Variants in SIPA1L1 observed in about 807,000 individuals in gnomAD.
SIPA1L1 encodes signal-induced proliferation-associated 1-like protein 1.
A neutral mutation model predicts 162.7 loss-of-function variants in SIPA1L1; 26 were observed. The observed-to-expected ratio is 0.16, with a 90% CI of 0.12 to 0.22. The LOEUF (loss-of-function observed/expected upper bound fraction) is 0.22, where lower values mean the gene tolerates loss of function less well. Ranked by LOEUF, SIPA1L1 falls within the 10% of genes least tolerant of loss-of-function variation. SIPA1L1 has a pLI of 1.00. For synonymous variants in SIPA1L1, 829 were observed against 837.4 expected (o/e 0.99, Z 0.17); for missense variants, 1,874 against 2,241.0 (o/e 0.84, Z 3.31).
At chr14:71,419,696 A>G (rs1176537405) in intron 2 of SIPA1L1, among the ~76,000 whole-genome samples, 1 of 151,340 alleles carries the variant, frequency 6.6e-6, no homozygotes, top group Non-Finnish European at 1.5e-5. Flanking sequence ...ACGGGGTTTC[A>G]CCTTGTTAGC....
intron 2 of SIPA1L1, among the ~76,000 whole-genome samples, chr14:71,380,247 T>C (rs188926024): frequency 2.0e-5 from 3 of 152,362 alleles, no homozygotes; most frequent in Admixed American, 1.3e-4. Flanking sequence ...TGTGTTTATG[T>C]CCTTTGATAA....
At position 71,587,801 on chromosome 14, in the gene SIPA1L1, G is replaced by A. The variant is rs2034795560; in HGVS notation, c.-72G>A. ...ATTTTCTGGAAGCCATTCTCCAAAAGGGAAGTGCACATTTAAAACACAGAT... is the reference window on the plus strand; with the variant it reads ...ATTTTCTGGAAGCCATTCTCCAAAAAGGAAGTGCACATTTAAAACACAGAT... On this transcript the variant is annotated 5_prime_UTR_variant, in exon 5 of 24. Coordinates refer to ENST00000381232, the MANE Select transcript of SIPA1L1 (RefSeq NM_001386936.1). 4.4e-6 allele frequency: 6 copies of A among 1,379,206 alleles called. No individual in the cohort carries two copies. Among genetic ancestry groups the A allele is most frequent in the Middle Eastern group, 2.2e-4 (1 of 4,556 alleles). 85.4% of individuals were successfully genotyped at this position (1,379,206 alleles called of 1,614,324 possible).
At chr14:71,363,031 G>A (rs1001239450) in intron 2 of SIPA1L1, among the ~76,000 whole-genome samples, 2 of 152,146 alleles carry the variant, frequency 1.3e-5, no homozygotes, top group East Asian at 3.9e-4. Flanking sequence ...GCACACACAC[G>A]CACACTCACA....
chr14:71,360,288 T>C (rs1163241266), intron 2 of SIPA1L1, among the ~76,000 whole-genome samples: 1 of 152,236 alleles, frequency 6.6e-6, no homozygotes, highest in Non-Finnish European at 1.5e-5. Flanking sequence ...ATTTGACCTT[T>C]AGAATTCAGT....
intron 5 of SIPA1L1, among the ~76,000 whole-genome samples, chr14:71,612,555 G>A (rs941559566): frequency 1.3e-5 from 2 of 152,088 alleles, no homozygotes; most frequent in Non-Finnish European, 2.9e-5. Flanking sequence ...ATTCAGTTCA[G>A]ATTATGCTAT....
chr14:71,380,115 A>G (rs970582219), intron 2 of SIPA1L1, among the ~76,000 whole-genome samples: 3 of 152,208 alleles, frequency 2.0e-5, no homozygotes, highest in Admixed American at 2.0e-4. Context: ...TAAACTTCAC[A>G]GAGTTGTTAA....
chr14:71,712,047 T>C (rs928993822), intron 17 of SIPA1L1, among the ~76,000 whole-genome samples: 1 of 152,204 alleles, frequency 6.6e-6, no homozygotes, highest in African/African-American at 2.4e-5. Context: ...CAAATGCACA[T>C]TGCTATAGAA....
At chr14:71,468,026 GTGTGTGTGTGTGTGTGTGTGTC>G (rs1460103183) in intron 2 of SIPA1L1, among the ~76,000 whole-genome samples, 2 of 151,504 alleles carry the variant, frequency 1.3e-5, no homozygotes, top group African/African-American at 2.4e-5. Context: ...GTGTGTGTGT[GTGTGTGTGTGTGTGTGTGTGTC>G]TGTCTGTGTC....
intron 2 of SIPA1L1, among the ~76,000 whole-genome samples, chr14:71,341,640 C>T (rs2035663496): frequency 6.6e-6 from 1 of 152,116 alleles, no homozygotes; most frequent in African/African-American, 2.4e-5. Flanking sequence ...AGTTTTTCAA[C>T]TCATCCCTCC....
At chr14:71,446,035 G>T (rs549104282) in intron 2 of SIPA1L1, among the ~76,000 whole-genome samples, 51 of 152,198 alleles carry the variant, frequency 3.4e-4, no homozygotes, top group African/African-American at 1.2e-3. Flanking sequence ...TTTTGTAGAA[G>T]ATGGAATCTC....
intron 11 of SIPA1L1, 92 bp from the exon 12 acceptor site, chr14:71,672,256 A>G (rs1414433643): frequency 7.5e-7 from 1 of 1,331,412 alleles, no homozygotes; most frequent in Non-Finnish European, 1.1e-6. Flanking sequence ...GGTATTCAGA[A>G]CTAACCCTGC....
intron 2 of SIPA1L1, among the ~76,000 whole-genome samples, chr14:71,381,848 T>C (rs1383488612): frequency 6.6e-6 from 1 of 152,220 alleles, no homozygotes; most frequent in Non-Finnish European, 1.5e-5. Flanking sequence ...TATCTTTCTA[T>C]GCCTAATTCC....
intron 2 of SIPA1L1, among the ~76,000 whole-genome samples, chr14:71,398,009 A>T (rs8019998): frequency 0.99 from 95,003 of 95,810 alleles, 47,138 homozygotes; most frequent in Non-Finnish European, 1. Flanking sequence ...AAAAAAAAAA[A>T]TTTTTTTTTT....
At position 71,417,469 on chromosome 14, in the gene SIPA1L1, C is replaced by CAAAAAAAAA. The variant is rs58628136; in HGVS notation, c.-464-95248_-464-95240dup. On this transcript the variant is annotated intron_variant, in intron 2 of 23. Transcript: ENST00000381232. ...CCTGGGCGACAGCGAGACTCCGTCTCAAAAAAAAAAAAAAAAAAAAAAAAA... is the reference window on the plus strand; with the variant it reads ...CCTGGGCGACAGCGAGACTCCGTCTCAAAAAAAAAAAAAAAAAAAAAAAAAAAAAAAAAA... Among the ~76,000 whole-genome samples, 24 of 17,770 alleles carry CAAAAAAAAA rather than the reference C, an allele frequency of 1.4e-3. 1 individual carries two copies. Among genetic ancestry groups the CAAAAAAAAA allele is most frequent in the Admixed American group, 2.0e-3 (2 of 990 alleles). The allele number at this position is 17,770 out of a possible 152,430, so 11.7% of individuals were successfully genotyped here.
chr14:71,627,131 CTTTTTTTTTTTTTTTTTTTTTTTTTTT>C (rs71105788), intron 7 of SIPA1L1, among the ~76,000 whole-genome samples: 11 of 48,738 alleles, frequency 2.3e-4, no homozygotes, highest in Non-Finnish European at 3.6e-4. Context: ...ACTTTCACTA[CTTTTTTTTTTTTTTTTTTTTTTTTTTT>C]TTTTTTTTTT....
intron 2 of SIPA1L1, among the ~76,000 whole-genome samples, chr14:71,437,398 C>T (rs926490677): frequency 6.6e-6 from 1 of 152,058 alleles, no homozygotes; most frequent in African/African-American, 2.4e-5. Flanking sequence ...GGCAGAGTCT[C>T]GTTCTGTCAC....
chr14:71,526,054 G>A (rs1042112389), intron 3 of SIPA1L1, among the ~76,000 whole-genome samples: 1 of 152,200 alleles, frequency 6.6e-6, no homozygotes, highest in African/African-American at 2.4e-5. Flanking sequence ...GATGTGAAGG[G>A]AGAGCTTCAG....
At chr14:71,392,863 C>T (rs2040876311) in intron 2 of SIPA1L1, among the ~76,000 whole-genome samples, 1 of 152,206 alleles carries the variant, frequency 6.6e-6, no homozygotes, top group Admixed American at 6.5e-5. Flanking sequence ...ACCATAAAAT[C>T]CTTAAATACA....
chr14:71,736,390 C>CT (rs1374579238), intron 22 of SIPA1L1, among the ~76,000 whole-genome samples: 2 of 152,172 alleles, frequency 1.3e-5, no homozygotes, highest in African/African-American at 4.8e-5. Flanking sequence ...CAGCGAAACT[C>CT]TGTCTTAAGA....
Sources: allele counts gnomAD v4.1 joint callset (sites outside exome capture counted in the v4.1 genomes callset), GRCh38; gene constraint gnomAD v4.1.1; transcripts MANE v1.5; gene names NCBI Gene and HGNC (gene_info 2026-07-23, HGNC 2026-07-21).